The following UPF2 variants were observed in gnomAD, a reference collection of about 807,000 sequenced individuals.
The protein encoded by UPF2 is regulator of nonsense transcripts 2.
A neutral mutation model predicts 141.4 loss-of-function variants in UPF2; 17 were observed. The observed-to-expected ratio is 0.12, with a 90% CI of 0.08 to 0.18. The LOEUF is 0.18. Among genes scored for constraint, UPF2 ranks in the 10% least tolerant of loss-of-function variants. The pLI, the probability that UPF2 is intolerant of heterozygous loss-of-function variation, is 1.00. For synonymous variants in UPF2, 540 were observed against 498.0 expected (o/e 1.08, Z -1.12); for missense variants, 1,152 against 1,515.9 (o/e 0.76, Z 3.99).
intron 21 of UPF2, among the ~76,000 whole-genome samples, chr10:11,925,804 G>A (rs1832705819): frequency 6.6e-6 from 1 of 152,230 alleles, no homozygotes; most frequent in Non-Finnish European, 1.5e-5. Flanking sequence ...TGCAGCAGGA[G>A]AAAGAACAGC....
chr10:12,017,348 T>C (rs531203378), intron 3 of UPF2, among the ~76,000 whole-genome samples: 10 of 152,360 alleles, frequency 6.6e-5, no homozygotes, highest in Admixed American at 6.5e-4. Flanking sequence ...TTGAGATACA[T>C]AATAATCACA....
intron 21 of UPF2, among the ~76,000 whole-genome samples, chr10:11,922,090 G>GGTAT: frequency 2.6e-5 from 4 of 152,172 alleles, no homozygotes; most frequent in African/African-American, 9.6e-5. Context: ...ACCAGGGTGA[G>GGTAT]GTATGACAAG....
intron 8 of UPF2, 109 bp downstream of exon 8, chr10:11,997,561 TAC>T: frequency 4.2e-6 from 4 of 951,692 alleles, no homozygotes; most frequent in Admixed American, 2.3e-5. Context: ...GCTAATGACC[TAC>T]AGAGTGAATA....
rs766714388 is a variant in UPF2, at chr10:11,956,091, G to A, written c.2574+229C>T. 6.6e-6 allele frequency among the ~76,000 whole-genome samples: 1 copy of A among 151,130 alleles called. No homozygotes were observed. ...GAACCCAGGAGGAAGAGGTTGCAGC[G>A]AGCGGAGATCGTGCCAGTGCACTCC... On this transcript the variant is annotated intron_variant, in intron 13 of 21. Coordinates refer to ENST00000357604, the MANE Select transcript of UPF2 (RefSeq NM_015542.4). This position sits in a 1 kb window ranked among gnomAD's most constrained non-coding sequence, Gnocchi z 4.2.
intron 10 of UPF2, among the ~76,000 whole-genome samples, chr10:11,964,359 TTCTA>T (rs1564346936): frequency 6.6e-6 from 1 of 152,080 alleles, no homozygotes. Flanking sequence ...TCAAACCCCT[TTCTA>T]TATTTATTGT....
In UPF2 at chr10:12,019,883, C is replaced by G. The variant is rs879418115; in HGVS notation, c.1146-5699G>C. On this transcript the variant is annotated intron_variant, in intron 3 of 21. Transcript: ENST00000357604. The surrounding 1 kb of genome is among the most constrained non-coding windows in gnomAD (Gnocchi z 4.5). ...GGGATTACAGGAGCCTGCCACCACA[C>G]CCGGCTAATTTTTGTATTTTTAGTA... 2.6e-5 allele frequency among the ~76,000 whole-genome samples: 4 copies of G among 152,098 alleles called. No individual in the cohort carries two copies. The highest frequency in any genetic ancestry group is 5.9e-5 in the Non-Finnish European group (4 of 68,026).
chr10:11,990,797 G>T (rs1348213994), intron 8 of UPF2, among the ~76,000 whole-genome samples: 1 of 151,820 alleles, frequency 6.6e-6, no homozygotes, highest in Non-Finnish European at 1.5e-5. Context: ...GACCATCCTG[G>T]CTAACATGGT....
chr10:12,040,031 A>C (rs968735659), intron 1 of UPF2, among the ~76,000 whole-genome samples: 6 of 152,230 alleles, frequency 3.9e-5, no homozygotes, highest in African/African-American at 1.4e-4. Context: ...TTAGTTCAAC[A>C]AAGTCCCAAA....
intron 18 of UPF2, among the ~76,000 whole-genome samples, chr10:11,941,700 A>C (rs897280968): frequency 2.6e-5 from 4 of 151,882 alleles, no homozygotes; most frequent in Admixed American, 6.6e-5. Flanking sequence ...TCTCCACCAA[A>C]CCCACCCCAG....
chr10:11,965,080 T>A (rs1209209634), intron 10 of UPF2, among the ~76,000 whole-genome samples: 1 of 152,210 alleles, frequency 6.6e-6, no homozygotes, highest in East Asian at 1.9e-4. Flanking sequence ...TTGGAGGATT[T>A]CAAATTTTAC....
At chr10:11,942,175 A>G (rs1832944031) in intron 18 of UPF2, among the ~76,000 whole-genome samples, 1 of 152,116 alleles carries the variant, frequency 6.6e-6, no homozygotes, top group Admixed American at 6.6e-5. Context: ...GGAGGTCGAG[A>G]CCAACCTGGC....
intron 2 of UPF2, among the ~76,000 whole-genome samples, chr10:12,033,063 G>A (rs1004170476): frequency 6.6e-6 from 1 of 152,128 alleles, no homozygotes; most frequent in Non-Finnish European, 1.5e-5. Context: ...AAGAAAGGTG[G>A]CTGTTCTAGA....
At chr10:12,028,626 A>G (rs1436888685) in intron 3 of UPF2, 119 bp downstream of exon 3, 91 of 1,014,786 alleles carry the variant, frequency 9.0e-5, no homozygotes, top group Non-Finnish European at 1.2e-4. Flanking sequence ...TGGAATGTTA[A>G]GAAATCACCT....
In UPF2 at chr10:11,936,901, C is replaced by T. The variant is rs550993566; in HGVS notation, c.3379-189G>A. On this transcript the variant is annotated intron_variant, in intron 18 of 21. Transcript: ENST00000357604. This position sits in a 1 kb window ranked among gnomAD's most constrained non-coding sequence, Gnocchi z 6.6. ...GGATAAATCTAGGGAGTATTTCTCC[C>T]TCCACCTAACACCTCTGCCTATGAC... Among the ~76,000 whole-genome samples, 14 of 152,354 alleles carry T rather than the reference C, an allele frequency of 9.2e-5. No homozygotes were observed. The East Asian group carries it at 2.7e-3, about 29-fold the overall frequency.
chr10:11,940,013 C>T lies in UPF2; in HGVS notation c.3378+2652G>A, dbSNP rs370775678. Among the ~76,000 whole-genome samples the T allele has an allele frequency of 1.8e-4, 28 of 152,262 alleles. 1 individual carries two copies. Among genetic ancestry groups the T allele is most frequent in the East Asian group, 1.4e-3 (7 of 5,184 alleles). ...ATTAGGATTATACTAAGTTTAAGGG[C>T]TTGATTTATGGAAAAATAATATCTC... On this transcript the variant is annotated intron_variant, in intron 18 of 21. Coordinates refer to ENST00000357604, the MANE Select transcript of UPF2 (RefSeq NM_015542.4). The surrounding 1 kb of genome is among the most constrained non-coding windows in gnomAD (Gnocchi z 4.2).
chr10:12,013,936 AT>A, intron 4 of UPF2, 87 bp downstream of exon 4: 1 of 1,301,302 alleles, frequency 7.7e-7, no homozygotes, highest in Non-Finnish European at 1.0e-6. Flanking sequence ...AAAAACTTAA[AT>A]TCTCAATACT....
In UPF2 at chr10:11,953,325, A is replaced by T. The variant is rs1397485195; in HGVS notation, c.2851-1076T>A. ...CTAGGTCAACTGAATCAGAATCTGC[A>T]TCTTTACAAAGTCCCCAGGGGACAT... On this transcript the variant is annotated intron_variant, in intron 14 of 21. Transcript: ENST00000357604. This position sits in a 1 kb window ranked among gnomAD's most constrained non-coding sequence, Gnocchi z 5.0. Among the ~76,000 whole-genome samples the T allele has an allele frequency of 6.6e-6, 1 of 152,192 alleles. No individual in the cohort carries two copies. The highest frequency in any genetic ancestry group is 2.4e-5 in the African/African-American group (1 of 41,452).
chr10:12,024,911 G>GT (rs1358787119), intron 3 of UPF2, among the ~76,000 whole-genome samples: 1 of 112,818 alleles, frequency 8.9e-6, no homozygotes, highest in South Asian at 3.1e-4. Flanking sequence ...TCTAGCCCAG[G>GT]TAAGAGGGAG....
rs370402322 is a variant in UPF2 at position 12,039,241 on chromosome 10, GAC to G, written c.-19+3512_-19+3513del. 1.2e-3 allele frequency among the ~76,000 whole-genome samples: 185 copies of G among 152,262 alleles called. 1 individual carries two copies. Among genetic ancestry groups the G allele is most frequent in the African/African-American group, 4.3e-3 (179 of 41,580 alleles). On this transcript the variant is annotated intron_variant, in intron 1 of 21. Coordinates refer to ENST00000357604, the MANE Select transcript of UPF2 (RefSeq NM_015542.4). ...CTTGACCAAGGCCTGCACAGCTGGT[GAC>G]AGAATGGGAATCTGAACCCATTCTC...
Sources: allele counts gnomAD v4.1 joint callset (sites outside exome capture counted in the v4.1 genomes callset), GRCh38; gene constraint gnomAD v4.1.1; non-coding constraint Gnocchi (gnomAD v3.1); transcripts MANE v1.5; gene names NCBI Gene and HGNC (gene_info 2026-07-23, HGNC 2026-07-21).